MMP28: variants seen among roughly 807,000 people sequenced by gnomAD.
MMP28 encodes matrix metalloproteinase-28.
Under a neutral mutation model 60.5 loss-of-function variants are expected in MMP28, and 55 were observed. The observed-to-expected ratio is 0.91, with a 90% CI of 0.73 to 1.14. The LOEUF is 1.14. Ranked by LOEUF, MMP28 falls within the 50% of genes most tolerant of loss-of-function variation. The pLI is 0.00. For synonymous variants in MMP28, 318 were observed against 312.5 expected (o/e 1.02, Z -0.18); for missense variants, 686 against 738.3 (o/e 0.93, Z 0.82).
chr17:35,795,133 T>C (rs767472099), intron 1 of MMP28, 134 bp downstream of exon 1: 3 of 545,112 alleles, frequency 5.5e-6, no homozygotes, highest in Non-Finnish European at 8.7e-6. Flanking sequence ...TATGTTCAAG[T>C]GCGAAGGGGG....
chr17:35,762,327 G>A (rs1279160646), downstream of MMP28, among the ~76,000 whole-genome samples: 5 of 152,124 alleles, frequency 3.3e-5, no homozygotes, highest in African/African-American at 1.2e-4. Context: ...CAAACTCCAC[G>A]AGTTGTGTCT....
rs538052167 is a variant in MMP28, at chr17:35,795,345, G to C, written c.33C>G (p.Ala11=). 1.9e-4 allele frequency: 279 copies of C among 1,460,908 alleles called. 1 individual carries two copies. The African/African-American group carries it at 3.3e-3, about 17-fold the overall frequency. 90.5% of individuals were successfully genotyped at this position (1,460,908 alleles called of 1,614,324 possible). ...GGTGGCCCCACAGTAGCAGCTGCAG[G>C]GCGCGCAGCAGGAGGCCGACGCGCG... MVARVGLLLR[A]LQLLLWGHLD... Residue 11 remains alanine, a synonymous_variant, in exon 1 of 8, where the codon GCC becomes GCG. Coordinates refer to ENST00000605424, the MANE Select transcript of MMP28 (RefSeq NM_024302.5).
rs1555603025 is a variant in MMP28 at position 35,766,218 on chromosome 17, C to G, written c.*282G>C. ...GTACCTTTAGCCGAAGAAACAAAGG[C>G]CTGGGGAGGATAGAAGTCCTCGGAG... On this transcript the variant is annotated 3_prime_UTR_variant, in exon 8 of 8. Coordinates refer to ENST00000605424, the MANE Select transcript of MMP28 (RefSeq NM_024302.5). The surrounding 1 kb of genome is among the most constrained non-coding windows in gnomAD (Gnocchi z 4.3). The G allele has an allele frequency of 5.7e-6, 7 of 1,228,416 alleles. No individual in the cohort carries two copies. The allele number at this position is 1,228,416 out of a possible 1,614,324, so 76.1% of individuals were successfully genotyped here. A position where few individuals can be genotyped will look rare whatever the true frequency, so the allele number is the denominator to read the frequency against.
At chr17:35,779,113 G>T (rs949868937) in intron 2 of MMP28, 38 bp from the exon 3 acceptor site, 7 of 1,601,102 alleles carry the variant, frequency 4.4e-6, no homozygotes, top group Non-Finnish European at 6.0e-6. Context: ...AGGGTGAGTG[G>T]TAAGGGTGAG....
At chr17:35,793,025 T>C (rs959842357) in intron 1 of MMP28, among the ~76,000 whole-genome samples, 9 of 152,152 alleles carry the variant, frequency 5.9e-5, no homozygotes, top group African/African-American at 2.2e-4. Context: ...CATATAGACA[T>C]AGACACATCC....
intron 2 of MMP28, 33 bp from the exon 3 acceptor site, chr17:35,779,108 G>A (rs775290679): frequency 5.0e-6 from 8 of 1,604,524 alleles, no homozygotes; most frequent in Admixed American, 3.4e-5. Flanking sequence ...AGGGGAGGGT[G>A]AGTGGTAAGG....
chr17:35,785,906 T>G (rs910752261), intron 1 of MMP28, among the ~76,000 whole-genome samples: 7 of 152,222 alleles, frequency 4.6e-5, no homozygotes, highest in Non-Finnish European at 8.8e-5. Context: ...TTTACCTTTC[T>G]CGCAGGAGCA....
intron 5 of MMP28, among the ~76,000 whole-genome samples, chr17:35,769,579 CCA>C (rs1322446310): frequency 6.6e-6 from 1 of 152,164 alleles, no homozygotes; most frequent in Non-Finnish European, 1.5e-5. Context: ...TCTGAGCCCA[CCA>C]CCAGGCAGAG....
At chr17:35,788,218 T>C (rs1257952867) in intron 1 of MMP28, among the ~76,000 whole-genome samples, 1 of 152,136 alleles carries the variant, frequency 6.6e-6, no homozygotes, top group Non-Finnish European at 1.5e-5. Flanking sequence ...CCTCCTTTCA[T>C]TTTCTGCCCT....
intron 1 of MMP28, among the ~76,000 whole-genome samples, chr17:35,785,069 G>A (rs2086609844): frequency 6.6e-6 from 1 of 152,166 alleles, no homozygotes; most frequent in South Asian, 2.1e-4. Context: ...GAAAGTCCCT[G>A]GGAGTGGCTG....
rs553321528 is a variant in MMP28 at position 35,795,417 on chromosome 17, C to T, written c.-40G>A. On this transcript the variant is annotated 5_prime_UTR_variant, in exon 1 of 8. Coordinates refer to ENST00000605424, the MANE Select transcript of MMP28 (RefSeq NM_024302.5). Reference sequence around the variant, plus strand: ...TGCAGCCCGGCTCGGGGAGCTACTGCGCGCAGGGAACCAGCCGGCAGTCAG... The same window carrying T: ...TGCAGCCCGGCTCGGGGAGCTACTGTGCGCAGGGAACCAGCCGGCAGTCAG... 6 of 1,351,040 alleles carry T rather than the reference C, an allele frequency of 4.4e-6. No individual in the cohort carries two copies. The highest frequency in any genetic ancestry group is 6.2e-5 in the East Asian group (2 of 32,390). The allele number at this position is 1,351,040 out of a possible 1,614,324, so 83.7% of individuals were successfully genotyped here. A position where few individuals can be genotyped will look rare whatever the true frequency, so the allele number is the denominator to read the frequency against.
rs1598420002 is a variant in MMP28, at chr17:35,768,117, G to C, written c.1000+113C>G. 5.7e-6 allele frequency: 8 copies of C among 1,405,222 alleles called. No individual in the cohort carries two copies. The East Asian group carries it at 1.9e-4, about 33-fold the overall frequency. The allele number at this position is 1,405,222 out of a possible 1,614,324, so 87.0% of individuals were successfully genotyped here. On this transcript the variant is annotated intron_variant, in intron 6 of 7. Coordinates refer to ENST00000605424, the MANE Select transcript of MMP28 (RefSeq NM_024302.5). The stretch of plus-strand genomic sequence containing the variant: ...GGTTGCTACCTGCAGCGTGCTTGTG[G>C]CTTGGGATTTCTGGCTTTTACAGTC...
chr17:35,782,847 G>T (rs1598462470), intron 1 of MMP28, among the ~76,000 whole-genome samples: 1 of 151,772 alleles, frequency 6.6e-6, no homozygotes, highest in Admixed American at 6.6e-5. Context: ...TATTTTTTGA[G>T]ACGGAGTCTC....
At chr17:35,776,089 T>C (rs2086319542) in intron 3 of MMP28, among the ~76,000 whole-genome samples, 1 of 152,052 alleles carries the variant, frequency 6.6e-6, no homozygotes, top group African/African-American at 2.4e-5. Context: ...TTAGCCAGGA[T>C]GGTCTCGATC....
chr17:35,791,697 G>T (rs2086819298), intron 1 of MMP28, among the ~76,000 whole-genome samples: 1 of 152,122 alleles, frequency 6.6e-6, no homozygotes, highest in Admixed American at 6.5e-5. Context: ...GATGCCCAGG[G>T]TGTTAAAGAG....
At chr17:35,767,056 G>A (rs2085968758) in intron 7 of MMP28, 162 bp from the exon 8 acceptor site, 1 of 759,886 alleles carries the variant, frequency 1.3e-6, no homozygotes, top group Non-Finnish European at 2.3e-6. Context: ...GTTATAAATA[G>A]CAGGGTGGTA....
chr17:35,764,257 G>A, downstream of MMP28: 6 of 1,539,650 alleles, frequency 3.9e-6, no homozygotes, highest in Admixed American at 5.9e-5. Context: ...TGCGGCGCGC[G>A]GACAGCGGCT....
chr17:35,790,328 G>T (rs916015697), intron 1 of MMP28, among the ~76,000 whole-genome samples: 17 of 152,090 alleles, frequency 1.1e-4, no homozygotes, highest in Admixed American at 5.2e-4. Flanking sequence ...GCCTCCCAAA[G>T]TGCTGGGATT....
chr17:35,775,638 G>A (rs184968739), intron 3 of MMP28, among the ~76,000 whole-genome samples: 1 of 152,306 alleles, frequency 6.6e-6, no homozygotes, highest in South Asian at 2.1e-4. Context: ...GTTTCCCTAT[G>A]TGCAAAATGG....
Sources: allele counts gnomAD v4.1 joint callset (sites outside exome capture counted in the v4.1 genomes callset), GRCh38; gene constraint gnomAD v4.1.1; non-coding constraint Gnocchi (gnomAD v3.1); transcripts MANE v1.5; gene names NCBI Gene and HGNC (gene_info 2026-07-23, HGNC 2026-07-21).